The following BTAF1 variants were observed in gnomAD, a reference collection of about 807,000 sequenced individuals.
The protein encoded by BTAF1 is B-TFIID TATA-box binding protein associated factor 1.
Under a neutral mutation model 227.1 loss-of-function variants are expected in BTAF1, and 38 were observed. The ratio of observed to expected loss-of-function variants is 0.17; its 90% CI spans 0.13 to 0.22. BTAF1 has a LOEUF of 0.22. Ranked by LOEUF, BTAF1 falls within the 10% of genes least tolerant of loss-of-function variation. BTAF1 has a pLI of 1.00. For synonymous variants in BTAF1, 742 were observed against 751.9 expected, an observed-to-expected ratio of 0.99 and a Z score of 0.21; for missense variants, 1,598 against 2,204.0, an observed-to-expected ratio of 0.73 and a Z score of 5.51.
chr10:92,017,404 C>T (rs1850812457), intron 33 of BTAF1, among the ~76,000 whole-genome samples: 1 of 152,154 alleles, frequency 6.6e-6, no homozygotes, highest in African/African-American at 2.4e-5. Flanking sequence ...CTTTATCTTT[C>T]CCTCTTGAAT....
chr10:91,985,409 T>A (rs1848337926), intron 19 of BTAF1, among the ~76,000 whole-genome samples: 1 of 152,222 alleles, frequency 6.6e-6, no homozygotes, highest in East Asian at 1.9e-4. Flanking sequence ...CTTTGGCTGT[T>A]ACCACTTTTT....
rs1470075477 is a variant in BTAF1 at position 91,968,339 on chromosome 10, A to G, written c.1650+1582A>G. On this transcript the variant is annotated intron_variant, in intron 14 of 37. Coordinates refer to ENST00000265990, the MANE Select transcript of BTAF1 (RefSeq NM_003972.3). ...TCAAATTGGCTTCTTTCACTTAGCA[A>G]TATGAAATTAAGGTTTCTCCATGTC... 4.6e-5 allele frequency among the ~76,000 whole-genome samples: 7 copies of G among 152,322 alleles called. No individual in the cohort carries two copies. The East Asian group carries it at 1.2e-3, about 25-fold the overall frequency.
chr10:91,962,535 C>T lies in BTAF1; in HGVS notation c.1264-3C>T. The T allele has an allele frequency of 6.6e-7, 1 of 1,517,918 alleles. No homozygotes were observed. The highest frequency in any genetic ancestry group is 9.0e-7 in the Non-Finnish European group (1 of 1,108,894). The allele number at this position is 1,517,918 out of a possible 1,614,324, so 94.0% of individuals were successfully genotyped here. A position where few individuals can be genotyped will look rare whatever the true frequency, so the allele number is the denominator to read the frequency against. ...TAATTTATTTTCATGTACTGTTTTA[C>T]AGGATGTAATTAATACTTTATTGCC... On this transcript the variant is annotated splice_polypyrimidine_tract_variant and splice_region_variant and intron_variant, in intron 11 of 37. Transcript: ENST00000265990.
chr10:91,935,682 G>C lies in BTAF1; in HGVS notation c.40G>C (p.Asp14His). 1 of 1,613,272 alleles carries C rather than the reference G, an allele frequency of 6.2e-7. No homozygotes were observed. ...SRLDRLFILLDTGTTPVTRKA... is the reference protein window; with the variant it reads ...SRLDRLFILLHTGTTPVTRKA... The stretch of plus-strand genomic sequence containing the variant: ...GCTAGATCGCCTTTTTATTTTACTG[G>C]ATACTGGCACTACTCCTGTTACAAG... The change falls in exon 2 of 38, where the codon GAT becomes CAT. Residue 14 changes from aspartate to histidine, a missense_variant. By Grantham distance (81) the Asp-to-His change is moderately conservative. Transcript: ENST00000265990.
chr10:91,976,505 A>G (rs1437343252), intron 14 of BTAF1, among the ~76,000 whole-genome samples: 1 of 152,168 alleles, frequency 6.6e-6, no homozygotes, highest in African/African-American at 2.4e-5. Context: ...TTCTGAAGCT[A>G]TCTTGGGGCC....
chr10:91,959,736 GTGTGTA>G (rs1446191691), intron 9 of BTAF1, 43 bp from the exon 10 acceptor site: 31 of 426,942 alleles, frequency 7.3e-5, no homozygotes, highest in Middle Eastern at 6.5e-4. Context: ...GTGTGTGTGT[GTGTGTA>G]TATATATATA....
At chr10:91,961,710 A>G (rs188812071) in intron 11 of BTAF1, among the ~76,000 whole-genome samples, 305 of 152,290 alleles carry the variant, frequency 2.0e-3, no homozygotes, top group Non-Finnish European at 3.6e-3. Flanking sequence ...TTTTTGAAAT[A>G]TTATCCCTAT....
chr10:91,931,709 C>G (rs1844286132), intron 1 of BTAF1, among the ~76,000 whole-genome samples: 1 of 152,184 alleles, frequency 6.6e-6, no homozygotes, highest in African/African-American at 2.4e-5. Context: ...GTGGCCTGGC[C>G]CTGATGCTTA....
chr10:91,938,866 A>C (rs564920643), intron 2 of BTAF1, among the ~76,000 whole-genome samples: 1 of 152,076 alleles, frequency 6.6e-6, no homozygotes, highest in Non-Finnish European at 1.5e-5. Context: ...TCTAAAAAAT[A>C]AAAATAAAAA....
intron 3 of BTAF1, among the ~76,000 whole-genome samples, chr10:91,940,502 A>AT (rs989353557): frequency 1.1e-4 from 17 of 151,526 alleles, no homozygotes; most frequent in Admixed American, 2.0e-4. Context: ...CCTTTTTTGG[A>AT]TTTTTTGTAG....
Position 91,998,534 on chromosome 10 carries a change from G to C in BTAF1, c.3660+783G>C, listed in dbSNP as rs558392563. ...AGTATTTCGGAGTACATTCATGGGG[G>C]CACAAATAATGTGTGGCCAATGCAG... On this transcript the variant is annotated intron_variant, in intron 25 of 37. Coordinates refer to ENST00000265990, the MANE Select transcript of BTAF1 (RefSeq NM_003972.3). Among the ~76,000 whole-genome samples, 95 of 152,202 alleles carry C rather than the reference G, an allele frequency of 6.2e-4. No individual in the cohort carries two copies. The South Asian group carries it at 0.018, about 29-fold the overall frequency.
intron 28 of BTAF1, 129 bp downstream of exon 28, chr10:92,009,337 A>C: frequency 1.1e-6 from 1 of 950,638 alleles, no homozygotes. Flanking sequence ...TCACTTATGA[A>C]AAGTGAATGT....
intron 34 of BTAF1, among the ~76,000 whole-genome samples, chr10:92,019,189 C>T (rs1313614771): frequency 6.6e-6 from 1 of 152,272 alleles, no homozygotes; most frequent in African/African-American, 2.4e-5. Flanking sequence ...TATCTTACTG[C>T]TAAAATATTT....
At chr10:91,983,505 G>T (rs1848201447) in intron 18 of BTAF1, among the ~76,000 whole-genome samples, 1 of 152,364 alleles carries the variant, frequency 6.6e-6, no homozygotes, top group African/African-American at 2.4e-5. Context: ...AAGAAGCAAA[G>T]CTCATCTGTT....
chr10:91,938,337 T>C (rs1484050675), intron 2 of BTAF1, among the ~76,000 whole-genome samples: 2 of 152,210 alleles, frequency 1.3e-5, no homozygotes, highest in African/African-American at 2.4e-5. Context: ...AACCATTGCC[T>C]AATCCAAGGT....
intron 14 of BTAF1, among the ~76,000 whole-genome samples, chr10:91,973,828 C>A (rs936682921): frequency 1.4e-5 from 2 of 138,578 alleles, no homozygotes; most frequent in African/African-American, 5.3e-5. Context: ...GGCGTGAACC[C>A]GGGAGGCGGA....
At chr10:91,953,628 C>A in intron 5 of BTAF1, 109 bp from the exon 6 acceptor site, 2 of 1,171,066 alleles carry the variant, frequency 1.7e-6, no homozygotes, top group South Asian at 1.7e-5. Context: ...AGAATGTGAT[C>A]GATGTATATA....
intron 13 of BTAF1, among the ~76,000 whole-genome samples, chr10:91,965,096 T>C (rs1201340065): frequency 6.6e-6 from 1 of 152,152 alleles, no homozygotes; most frequent in Non-Finnish European, 1.5e-5. Context: ...TTTAGATTAG[T>C]TGGATAGCCT....
chr10:91,967,415 A>G (rs756333185), intron 14 of BTAF1, among the ~76,000 whole-genome samples: 2 of 152,234 alleles, frequency 1.3e-5, no homozygotes, highest in African/African-American at 2.4e-5. Context: ...GGGATTATCA[A>G]TAAGAAATTT....
Sources: allele counts gnomAD v4.1 joint callset (sites outside exome capture counted in the v4.1 genomes callset), GRCh38; gene constraint gnomAD v4.1.1; transcripts MANE v1.5; gene names NCBI Gene and HGNC (gene_info 2026-07-23, HGNC 2026-07-21).